Variants in APBA2 observed in about 807,000 individuals in gnomAD.
APBA2 encodes amyloid-beta A4 precursor protein-binding family A member 2.
A neutral mutation model predicts 75.0 loss-of-function variants in APBA2; 30 were observed. That is an observed-to-expected ratio of 0.40 (90% CI 0.30 to 0.54). APBA2 has a LOEUF of 0.54. Among genes scored for constraint, APBA2 ranks in the 20% least tolerant of loss-of-function variants. The probability of loss-of-function intolerance (pLI) is 0.49; values close to 1 mark genes in which losing one functional copy is unlikely to be tolerated. For missense variants in APBA2, 801 were observed against 1,016.1 expected (o/e 0.79, Z 2.88); for synonymous variants, 444 against 409.6 (o/e 1.08, Z -1.01).
intron 2 of APBA2, among the ~76,000 whole-genome samples, chr15:28,950,025 A>G (rs1353377910): frequency 6.6e-6 from 1 of 152,138 alleles, no homozygotes; most frequent in Non-Finnish European, 1.5e-5. Context: ...CCAGGCCACT[A>G]CGTTACCTAT....
intron 2 of APBA2, among the ~76,000 whole-genome samples, chr15:28,955,614 TTAAG>T (rs2036125520): frequency 6.6e-6 from 1 of 150,866 alleles, no homozygotes; most frequent in Non-Finnish European, 1.5e-5. Context: ...TTCTGAGTAA[TTAAG>T]AGGGTCTAAG....
intron 6 of APBA2, among the ~76,000 whole-genome samples, chr15:29,084,873 C>T (rs1328587991): frequency 1.3e-5 from 2 of 152,276 alleles, no homozygotes; most frequent in Middle Eastern, 3.4e-3. Context: ...ATGTGTTCCT[C>T]TATTCTCTGT....
At chr15:29,082,882 G>T (rs1170626614) in intron 6 of APBA2, among the ~76,000 whole-genome samples, 1 of 152,060 alleles carries the variant, frequency 6.6e-6, no homozygotes, top group African/African-American at 2.4e-5. Context: ...GCAACATGGT[G>T]AAACTCCGTC....
intron 4 of APBA2, among the ~76,000 whole-genome samples, chr15:29,059,166 C>G (rs1162491728): frequency 6.6e-6 from 1 of 152,146 alleles, no homozygotes; most frequent in African/African-American, 2.4e-5. Flanking sequence ...ATACTGTAAA[C>G]AGCTGTTCTT....
chr15:29,104,455 C>T (rs1004190207), intron 10 of APBA2, among the ~76,000 whole-genome samples: 1 of 152,250 alleles, frequency 6.6e-6, no homozygotes, highest in East Asian at 1.9e-4. Context: ...CTCCTGTCTG[C>T]GCACCAGCAG....
At chr15:28,994,482 G>C (rs116993806) in intron 2 of APBA2, among the ~76,000 whole-genome samples, 1 of 152,150 alleles carries the variant, frequency 6.6e-6, no homozygotes, top group African/African-American at 2.4e-5. Context: ...ATGGAACAAC[G>C]GTGCAAACAG....
chr15:28,908,722 C>T (rs369363912), intron 1 of APBA2, among the ~76,000 whole-genome samples: 178 of 152,194 alleles, frequency 1.2e-3, no homozygotes, highest in Middle Eastern at 3.4e-3. Context: ...TGCCTGACAC[C>T]GCTCTCCTGG....
chr15:29,066,946 G>A (rs2042403416), intron 4 of APBA2, among the ~76,000 whole-genome samples: 2 of 152,162 alleles, frequency 1.3e-5, no homozygotes, highest in South Asian at 2.1e-4. Context: ...TGTAGAGGAA[G>A]CATAATACTA....
At position 28,918,900 on chromosome 15, in the gene APBA2, C is replaced by T. The variant is rs1566796967; in HGVS notation, c.-204-2740C>T. On this transcript the variant is annotated intron_variant, in intron 1 of 14. Transcript: ENST00000683413. The surrounding 1 kb of genome is among the most constrained non-coding windows in gnomAD (Gnocchi z 4.2). The stretch of plus-strand genomic sequence containing the variant: ...TTGTAGACGGAGTCGCGCTCTGTCT[C>T]CCAGGCTGGAGTGCAGTGGCGCTAT... 6.6e-6 allele frequency among the ~76,000 whole-genome samples: 1 copy of T among 151,792 alleles called. No individual in the cohort carries two copies. The highest frequency in any genetic ancestry group is 1.5e-5 in the Non-Finnish European group (1 of 67,946).
At chr15:28,954,972 T>C (rs1595557923) in intron 2 of APBA2, among the ~76,000 whole-genome samples, 1 of 152,068 alleles carries the variant, frequency 6.6e-6, no homozygotes, top group Non-Finnish European at 1.5e-5. Context: ...AGGGTTGGTT[T>C]CCTATGCAGA....
intron 14 of APBA2, 47 bp from the exon 15 acceptor site, chr15:29,117,015 A>G: frequency 6.3e-7 from 1 of 1,575,458 alleles, no homozygotes; most frequent in Middle Eastern, 1.7e-4. Flanking sequence ...TGATTGTGGG[A>G]GGGGAGGTGG....
intron 3 of APBA2, among the ~76,000 whole-genome samples, chr15:29,048,732 G>A (rs2041459967): frequency 1.3e-5 from 2 of 151,682 alleles, no homozygotes; most frequent in Non-Finnish European, 2.9e-5. Context: ...TCAAGAGATC[G>A]AGACCATCCT....
chr15:29,033,705 A>C (rs1236606112), intron 3 of APBA2, among the ~76,000 whole-genome samples: 1 of 152,168 alleles, frequency 6.6e-6, no homozygotes, highest in Non-Finnish European at 1.5e-5. Flanking sequence ...TCACGCCTGT[A>C]ATTCCAGCAC....
chr15:29,049,012 G>A (rs1216601275), intron 3 of APBA2, among the ~76,000 whole-genome samples: 2 of 152,068 alleles, frequency 1.3e-5, no homozygotes, highest in Non-Finnish European at 2.9e-5. Flanking sequence ...GTGGAACTGA[G>A]GGTTTCCTGG....
At chr15:28,998,161 A>C (rs1259373151) in intron 3 of APBA2, among the ~76,000 whole-genome samples, 2 of 151,314 alleles carry the variant, frequency 1.3e-5, no homozygotes, top group Admixed American at 6.6e-5. Context: ...GCTTCCACTT[A>C]CAGGAAAAGT....
intron 8 of APBA2, among the ~76,000 whole-genome samples, chr15:29,097,729 C>T (rs1316286423): frequency 6.6e-6 from 1 of 152,164 alleles, no homozygotes; most frequent in Non-Finnish European, 1.5e-5. Flanking sequence ...TAACGGTAGT[C>T]ACCATGATGC....
At chr15:29,101,905 C>G in intron 10 of APBA2, 121 bp downstream of exon 10, 1 of 970,688 alleles carries the variant, frequency 1.0e-6, no homozygotes, top group Non-Finnish European at 1.6e-6. Context: ...ACTGATGTTT[C>G]CAGTGGATCA....
intron 1 of APBA2, among the ~76,000 whole-genome samples, chr15:28,897,864 C>T (rs1457784993): frequency 6.6e-6 from 1 of 152,114 alleles, no homozygotes; most frequent in African/African-American, 2.4e-5. Flanking sequence ...AGGTTCTAAT[C>T]CCTGAAACCT....
chr15:29,005,586 G>A (rs2152807383), intron 3 of APBA2, among the ~76,000 whole-genome samples: 1 of 152,300 alleles, frequency 6.6e-6, no homozygotes. Context: ...ACTGCTGGCC[G>A]GGTGCAGTGG....
Sources: allele counts gnomAD v4.1 joint callset (sites outside exome capture counted in the v4.1 genomes callset), GRCh38; gene constraint gnomAD v4.1.1; non-coding constraint Gnocchi (gnomAD v3.1); transcripts MANE v1.5; gene names NCBI Gene and HGNC (gene_info 2026-07-23, HGNC 2026-07-21).